Variants in ALPK3 observed in about 807,000 individuals in gnomAD.
The protein encoded by ALPK3 is alpha kinase 3.
A neutral mutation model predicts 140.0 loss-of-function variants in ALPK3; 102 were observed. The ratio of observed to expected loss-of-function variants is 0.73; its 90% CI spans 0.62 to 0.86. The LOEUF is 0.86. ALPK3 is among the 40% of genes least tolerant of loss of function. The pLI is 0.00. For missense variants in ALPK3, 2,254 were observed against 2,208.2 expected (o/e 1.02, Z -0.42); for synonymous variants, 938 against 898.5 (o/e 1.04, Z -0.79).
rs1391284177 is a variant in ALPK3 at position 84,862,701 on chromosome 15, G to A, written c.4196G>A (p.Gly1399Glu). 1.2e-6 allele frequency: 2 copies of A among 1,614,214 alleles called. No individual in the cohort carries two copies. Among genetic ancestry groups the A allele is most frequent in the Middle Eastern group, 1.6e-4 (1 of 6,062 alleles). Residue 1399 changes from glycine (G) to glutamate (E), a missense_variant, in exon 10 of 14, where the codon GGG becomes GAG. Coordinates refer to ENST00000258888, the MANE Select transcript of ALPK3 (RefSeq NM_020778.5). ...GGTCTGGCTGACTCTGGCTGCTGGG[G>A]GGACAAGCTCTTTGGGCGACTGGTA... ...AKGLADSGCW[G>E]DKLFGRLVSE...
rs1303894209 is a variant in ALPK3, at chr15:84,825,576, A to T, written c.183-1908A>T. Among the ~76,000 whole-genome samples, 4 of 152,052 alleles carry T rather than the reference A, an allele frequency of 2.6e-5. No homozygotes were observed. The South Asian group carries it at 8.3e-4, about 32-fold the overall frequency. ...CCAGTAGCTGAAATGATTTCCTTAG[A>T]CTTGTCCAGGCGGCTTCATACCTAG... On this transcript the variant is annotated intron_variant, in intron 2 of 13. Transcript: ENST00000258888.
At chr15:84,833,930 C>T (rs1397107358) in intron 3 of ALPK3, among the ~76,000 whole-genome samples, 1 of 151,422 alleles carries the variant, frequency 6.6e-6, no homozygotes, top group African/African-American at 2.4e-5. Context: ...CTCCTCCACT[C>T]TCCTCAGCTC....
At position 84,862,641 on chromosome 15, in the gene ALPK3, A is replaced by G; in HGVS notation, c.4136A>G (p.Glu1379Gly). The part of the protein sequence containing the change: ...FISREEGEVG[E>G]EIEMTPMVFA... Reference sequence around the variant, plus strand: ...TTCTCCTGTTCCCCTTCAGTTGGAGAAGAGATTGAGATGACCCCTATGGTG... The same window carrying G: ...TTCTCCTGTTCCCCTTCAGTTGGAGGAGAGATTGAGATGACCCCTATGGTG... The change falls in exon 10 of 14, where the codon GAA becomes GGA. Residue 1379 changes from glutamate (E) to glycine (G), a missense_variant. Glu to Gly is a moderately conservative substitution (Grantham distance 98). Transcript: ENST00000258888. 6.2e-7 allele frequency: 1 copy of G among 1,604,458 alleles called. No individual in the cohort carries two copies. Among genetic ancestry groups the G allele is most frequent in the Non-Finnish European group, 8.5e-7 (1 of 1,173,004 alleles).
chr15:84,843,401 GA>G (rs1963689109), intron 5 of ALPK3, among the ~76,000 whole-genome samples: 1 of 152,230 alleles, frequency 6.6e-6, no homozygotes, highest in African/African-American at 2.4e-5. Flanking sequence ...CTGGGAGGTG[GA>G]GGTTGCAGTG....
Position 84,871,149 on chromosome 15 carries a change from A to C in ALPK3, c.*2693A>C, listed in dbSNP as rs1000055778. On this transcript the variant is annotated 3_prime_UTR_variant, in exon 14 of 14. Transcript: ENST00000258888. ...CCAGCAAGAATGGAAGAATGGGTAA[A>C]GTCTACAGTCCATTTCTAGAACTGG... The C allele has an allele frequency of 6.6e-6, 1 of 152,640 alleles. No homozygotes were observed. The highest frequency in any genetic ancestry group is 6.5e-5 in the Admixed American group (1 of 15,288). The allele number at this position is 152,640 out of a possible 1,614,324, so 9.5% of individuals were successfully genotyped here. A position where few individuals can be genotyped will look rare whatever the true frequency, so the allele number is the denominator to read the frequency against.
chr15:84,856,827 AGGATGCAGGGAGAGAAGG>A lies in ALPK3; in HGVS notation c.2111_2128del (p.Met704_Gly709del), dbSNP rs759322802. On this transcript the variant is annotated inframe_deletion, in exon 6 of 14. Coordinates refer to ENST00000258888, the MANE Select transcript of ALPK3 (RefSeq NM_020778.5). ...AGATAAGGGCACACAGGAAGACAGA[AGGATGCAGGGAGAGAAGG>A]GGATGCAGGGAGAGAAGGGGACGCA... 9.0e-5 allele frequency: 145 copies of A among 1,613,954 alleles called. No homozygotes were observed. Among genetic ancestry groups the A allele is most frequent in the Non-Finnish European group, 1.1e-4 (135 of 1,180,016 alleles).
At position 84,858,129 on chromosome 15, in the gene ALPK3, G is replaced by C; in HGVS notation, c.3391G>C (p.Glu1131Gln). Residue 1131 changes from glutamate to glutamine, a missense_variant, in exon 6 of 14, where the codon GAG (glutamate) becomes CAG (glutamine). Transcript: ENST00000258888. Reference sequence around the variant, plus strand: ...AGCCCCTGGACAGGGGCCCTCAGCAGAGAGCATAGCCCAGGAGCCCTCCCA... The same window carrying C: ...AGCCCCTGGACAGGGGCCCTCAGCACAGAGCATAGCCCAGGAGCCCTCCCA... ...QAAPGQGPSAESIAQEPSQEE... is the reference protein window; with the variant it reads ...QAAPGQGPSAQSIAQEPSQEE... The C allele has an allele frequency of 2.5e-6, 4 of 1,590,696 alleles. No individual in the cohort carries two copies. Among genetic ancestry groups the C allele is most frequent in the Non-Finnish European group, 3.4e-6 (4 of 1,170,810 alleles).
In ALPK3 at chr15:84,835,527, A is replaced by AG. The variant is rs1446932553; in HGVS notation, c.305-3451dup. ...TAAGTAATTACCACACCACAGTGTC[A>AG]GGCACTGTCTTAGGTGGTGGGGATA... On this transcript the variant is annotated intron_variant, in intron 3 of 13. Transcript: ENST00000258888. Among the ~76,000 whole-genome samples, 6 of 152,352 alleles carry AG rather than the reference A, an allele frequency of 3.9e-5. No individual in the cohort carries two copies. In the South Asian group the frequency reaches 1.2e-3, roughly 32 times the overall value.
At position 84,869,985 on chromosome 15, in the gene ALPK3, T is replaced by G. The variant is rs1480037809; in HGVS notation, c.*1529T>G. ...CAGGGTGTCTGGGGACTTACGCCTT[T>G]GGAATTGCTCTTCATTCAGAAGAGG... is the stretch of plus-strand genomic sequence containing the variant. On this transcript the variant is annotated 3_prime_UTR_variant, in exon 14 of 14. Transcript: ENST00000258888. The G allele has an allele frequency of 6.6e-6, 1 of 152,198 alleles. No homozygotes were observed. Among genetic ancestry groups the G allele is most frequent in the African/African-American group, 2.4e-5 (1 of 41,456 alleles). The allele number at this position is 152,198 out of a possible 1,614,324, so 9.4% of individuals were successfully genotyped here. A position where few individuals can be genotyped will look rare whatever the true frequency, so the allele number is the denominator to read the frequency against.
At chr15:84,846,349 C>T (rs752331456) in intron 5 of ALPK3, among the ~76,000 whole-genome samples, 9 of 152,100 alleles carry the variant, frequency 5.9e-5, no homozygotes, top group Non-Finnish European at 1.0e-4. Context: ...TCAAAGAGTG[C>T]CAATGCCACA....
chr15:84,823,938 G>GCTCCAAGGGATCCTCCTGC (rs1157154219), intron 2 of ALPK3, among the ~76,000 whole-genome samples: 2 of 152,264 alleles, frequency 1.3e-5, no homozygotes, highest in South Asian at 2.1e-4. Flanking sequence ...TGAACTCCTG[G>GCTCCAAGGGATCCTCCTGC]CTCCAAGGGA....
intron 7 of ALPK3, among the ~76,000 whole-genome samples, 174 bp downstream of exon 7, chr15:84,859,564 A>C (rs186266): frequency 6.6e-6 from 1 of 152,220 alleles, no homozygotes; most frequent in South Asian, 2.1e-4. Flanking sequence ...TCTTTAAGCC[A>C]CTTGTCCAAA....
intron 5 of ALPK3, among the ~76,000 whole-genome samples, chr15:84,847,476 T>C (rs1428414917): frequency 6.6e-6 from 1 of 152,114 alleles, no homozygotes; most frequent in Non-Finnish European, 1.5e-5. Flanking sequence ...AGAAACCTCA[T>C]AGCCAAACTG....
chr15:84,822,701 G>T (rs549013382), intron 1 of ALPK3, among the ~76,000 whole-genome samples: 8 of 152,216 alleles, frequency 5.3e-5, no homozygotes, highest in Non-Finnish European at 1.0e-4. Context: ...GCTGCCCCAG[G>T]CAAGAGAGAT....
chr15:84,840,847 A>T lies in ALPK3; in HGVS notation c.1568A>T (p.Gln523Leu). The change falls in exon 5 of 14, where the codon CAG becomes CTG. Residue 523 changes from glutamine to leucine, a missense_variant. Around this residue, in one of 3 missense-constraint regions of ALPK3, gnomAD observed 2,088 missense variants for 2,022.9 expected, o/e 1.03. Coordinates refer to ENST00000258888, the MANE Select transcript of ALPK3 (RefSeq NM_020778.5). ...LGKAPPQASV[Q>L]VPTPPARRRH... ...AAGGCCCCACCTCAGGCCTCTGTGC[A>T]GGTGCCGACGCCCCCTGCCCGGCGG... 6.2e-7 allele frequency: 1 copy of T among 1,614,168 alleles called. No individual in the cohort carries two copies. The highest frequency in any genetic ancestry group is 8.5e-7 in the Non-Finnish European group (1 of 1,180,012).
chr15:84,862,581 AC>A, intron 9 of ALPK3, 53 bp from the exon 10 acceptor site: 1 of 1,545,258 alleles, frequency 6.5e-7, no homozygotes, highest in Non-Finnish European at 8.7e-7. Context: ...TGTGAGCCCC[AC>A]ATTGGTGAGA....
intron 1 of ALPK3, among the ~76,000 whole-genome samples, chr15:84,821,080 A>C (rs1026533164): frequency 6.6e-6 from 1 of 151,980 alleles, no homozygotes; most frequent in Non-Finnish European, 1.5e-5. Flanking sequence ...TTCTGCCCCA[A>C]TGTTTGATGC....
chr15:84,863,489 G>T (rs567458431), intron 10 of ALPK3, 63 bp from the exon 11 acceptor site: 1 of 1,452,086 alleles, frequency 6.9e-7, no homozygotes, highest in Non-Finnish European at 9.5e-7. Context: ...CTCACTTAGG[G>T]GTAGACACAG....
At chr15:84,850,515 C>T (rs985331189) in intron 5 of ALPK3, among the ~76,000 whole-genome samples, 6 of 152,006 alleles carry the variant, frequency 3.9e-5, no homozygotes, top group Admixed American at 3.9e-4. Flanking sequence ...TCCAGAGTAG[C>T]TAGGACTACA....
Sources: allele counts gnomAD v4.1 joint callset (sites outside exome capture counted in the v4.1 genomes callset), GRCh38; gene constraint gnomAD v4.1.1; regional missense constraint gnomAD v4.1.1; transcripts MANE v1.5; gene names NCBI Gene and HGNC (gene_info 2026-07-23, HGNC 2026-07-21).